LRRC37A2: variants seen among roughly 807,000 people sequenced by gnomAD.
LRRC37A2 encodes the protein leucine-rich repeat-containing protein 37A2.
In LRRC37A2, 9 loss-of-function variants were observed where a neutral mutation model predicts 68.8. The ratio of observed to expected loss-of-function variants is 0.13; its 90% CI spans 0.08 to 0.23. The LOEUF is 0.23. LRRC37A2 is among the 10% of genes least tolerant of loss of function. LRRC37A2 has a pLI of 1.00. For missense variants in LRRC37A2, 168 were observed against 950.4 expected, an observed-to-expected ratio of 0.18 and a Z score of 10.82; for synonymous variants, 63 against 367.6, an observed-to-expected ratio of 0.17 and a Z score of 9.48.
chr17:46,983,722 C>G, the LRRC37A2 span, among the ~76,000 whole-genome samples: 1 of 152,208 alleles, frequency 6.6e-6, no homozygotes, highest in Non-Finnish European at 1.5e-5. Flanking sequence ...TCACAAATAT[C>G]TCAAATTGAG....
chr17:46,938,918 C>T, the LRRC37A2 span: 4 of 1,517,574 alleles, frequency 2.6e-6, no homozygotes, highest in Non-Finnish European at 3.5e-6. Flanking sequence ...CCAACCTGCT[C>T]TGTTTTCTGT....
At chr17:46,714,832 G>A in the LRRC37A2 span, among the ~76,000 whole-genome samples, 1 of 152,120 alleles carries the variant, frequency 6.6e-6, no homozygotes, top group Non-Finnish European at 1.5e-5. Flanking sequence ...CTGACCGTAA[G>A]TCCAAGAGAT....
the LRRC37A2 span, among the ~76,000 whole-genome samples, chr17:46,415,290 AT>A: frequency 1.8e-5 from 1 of 55,234 alleles, no homozygotes; most frequent in Non-Finnish European, 4.0e-5. Context: ...GCATTATGAC[AT>A]TATGATATTG....
the LRRC37A2 span, among the ~76,000 whole-genome samples, chr17:46,897,580 G>A: frequency 6.6e-6 from 1 of 152,298 alleles, no homozygotes; most frequent in African/African-American, 2.4e-5. Context: ...GCTTCCTGGG[G>A]TGATGGTGCT....
At chr17:46,830,094 G>A in the LRRC37A2 span, among the ~76,000 whole-genome samples, 1 of 152,070 alleles carries the variant, frequency 6.6e-6, no homozygotes, top group Non-Finnish European at 1.5e-5. Context: ...TGTTGGTGAC[G>A]AGATGTTCCC....
At chr17:46,929,563 G>A in the LRRC37A2 span, 1 of 1,545,326 alleles carries the variant, frequency 6.5e-7, no homozygotes, top group Non-Finnish European at 9.0e-7. Flanking sequence ...CCTGGAGACG[G>A]CAGACAAGCA....
At chr17:46,937,148 GT>G in the LRRC37A2 span, 1 of 152,202 alleles carries the variant, frequency 6.6e-6, no homozygotes, top group African/African-American at 2.4e-5. Flanking sequence ...AGGCTGGATG[GT>G]TTGGGTTGTT....
At chr17:47,044,093 A>C in the LRRC37A2 span, among the ~76,000 whole-genome samples, 69,158 of 73,930 alleles carry the variant, frequency 0.94, 33,074 homozygotes, top group Middle Eastern at 1. Context: ...TGATGAGCAA[A>C]TTGAATTATG....
At chr17:46,950,649 G>T in the LRRC37A2 span, among the ~76,000 whole-genome samples, 1 of 152,138 alleles carries the variant, frequency 6.6e-6, no homozygotes, top group African/African-American at 2.4e-5. Context: ...AGCAGCAAGG[G>T]CTGACAGGAT....
the LRRC37A2 span, chr17:46,704,683 C>T: frequency 5.7e-5 from 87 of 1,533,620 alleles, no homozygotes; most frequent in Admixed American, 9.2e-5. Context: ...TCAAGAGTTA[C>T]GTTCTTAAAC....
the LRRC37A2 span, among the ~76,000 whole-genome samples, chr17:46,827,813 CTTTT>C: frequency 7.0e-6 from 1 of 142,006 alleles, no homozygotes; most frequent in Non-Finnish European, 1.5e-5. Context: ...AAATTTCTTT[CTTTT>C]TTTTTTTTTT....
the LRRC37A2 span, among the ~76,000 whole-genome samples, chr17:46,718,502 A>G: frequency 6.6e-6 from 1 of 152,238 alleles, no homozygotes; most frequent in Non-Finnish European, 1.5e-5. Context: ...ATAAATATGT[A>G]TAACTATTAT....
At chr17:46,771,199 G>A in the LRRC37A2 span, among the ~76,000 whole-genome samples, 1 of 152,200 alleles carries the variant, frequency 6.6e-6, no homozygotes, top group African/African-American at 2.4e-5. Flanking sequence ...GGAGGGCGAA[G>A]AGTGCAGAGC....
At chr17:46,938,155 G>A in the LRRC37A2 span, 1 of 269,002 alleles carries the variant, frequency 3.7e-6, no homozygotes, top group South Asian at 4.0e-5. Context: ...GAGTCCCTGC[G>A]CCTGGCCTGT....
the LRRC37A2 span, among the ~76,000 whole-genome samples, chr17:46,687,375 A>C: frequency 1.3e-5 from 2 of 151,116 alleles, no homozygotes; most frequent in Non-Finnish European, 3.0e-5. Flanking sequence ...TAACTCTTTA[A>C]TCTTATCATG....
At chr17:46,992,178 T>C in the LRRC37A2 span, among the ~76,000 whole-genome samples, 23 of 64,954 alleles carry the variant, frequency 3.5e-4, no homozygotes, top group South Asian at 0.012. Context: ...CTGGCCAACA[T>C]GGCAAAAACC....
chr17:46,502,851 T>G, the LRRC37A2 span, among the ~76,000 whole-genome samples: 1 of 150,918 alleles, frequency 6.6e-6, no homozygotes, highest in Admixed American at 6.6e-5. Flanking sequence ...GTTTCCTAGA[T>G]GTTCCGAAAG....
the LRRC37A2 span, among the ~76,000 whole-genome samples, chr17:46,835,056 G>A: frequency 2.0e-5 from 3 of 152,108 alleles, no homozygotes; most frequent in East Asian, 5.8e-4. Flanking sequence ...GCGCAGTAGT[G>A]CGATCAGTGC....
chr17:46,885,308 C>CG, the LRRC37A2 span: 143 of 214,744 alleles, frequency 6.7e-4, no homozygotes, highest in Non-Finnish European at 1.0e-3. Context: ...GCCTGGCCAG[C>CG]ATTTTTTTTT....
Sources: gnomAD v4.1 joint callset for allele counts (sites outside exome capture counted in the v4.1 genomes callset) on GRCh38, gnomAD v4.1.1 for gene constraint, MANE v1.5 for transcripts, NCBI Gene and HGNC (gene_info 2026-07-23, HGNC 2026-07-21) for gene names.